The following RIC8B variants were observed in gnomAD, a reference collection of about 807,000 sequenced individuals.
The protein encoded by RIC8B is chaperone Ric-8B.
RIC8B carries 16 observed loss-of-function variants against 57.5 expected under a neutral mutation model. The ratio of observed to expected loss-of-function variants is 0.28; its 90% CI spans 0.19 to 0.42. The LOEUF is 0.42. Among genes scored for constraint, RIC8B ranks in the 10% least tolerant of loss-of-function variants. RIC8B has a pLI of 1.00. For missense variants in RIC8B, 481 were observed against 677.0 expected, an observed-to-expected ratio of 0.71 and a Z score of 3.21; for synonymous variants, 216 against 250.8, an observed-to-expected ratio of 0.86 and a Z score of 1.31.
intron 2 of RIC8B, among the ~76,000 whole-genome samples, chr12:106,807,912 C>A (rs541286740): frequency 1.7e-4 from 26 of 151,966 alleles, no homozygotes; most frequent in Non-Finnish European, 3.7e-4. Context: ...ATGGTTAAAC[C>A]CCATCTCTAC....
intron 1 of RIC8B, 128 bp from the exon 2 acceptor site, chr12:106,783,869 A>G (rs747424119): frequency 1.4e-6 from 1 of 722,476 alleles, no homozygotes; most frequent in South Asian, 1.8e-5. Context: ...CCTTACTTTA[A>G]TAAGAATATT....
At chr12:106,775,261 C>A in intron 1 of RIC8B, 1 of 447,568 alleles carries the variant, frequency 2.2e-6, no homozygotes, top group Non-Finnish European at 4.5e-6. Context: ...AGTTTCTATA[C>A]GTTTAGCACT....
chr12:106,790,104 G>A (rs554464463), intron 2 of RIC8B, among the ~76,000 whole-genome samples: 81 of 152,198 alleles, frequency 5.3e-4, no homozygotes, highest in Non-Finnish European at 1.2e-4. Context: ...TATGAATAAG[G>A]AAACTGAGGC....
chr12:106,853,451 G>GTTT (rs1949563485), intron 7 of RIC8B, among the ~76,000 whole-genome samples: 7 of 51,804 alleles, frequency 1.4e-4, no homozygotes, highest in Admixed American at 2.0e-4. Flanking sequence ...CTGCTTTATA[G>GTTT]TCTTTTTTTT....
intron 2 of RIC8B, among the ~76,000 whole-genome samples, chr12:106,790,296 A>G (rs2044213044): frequency 6.6e-6 from 1 of 152,162 alleles, no homozygotes. Context: ...GTTTTCTCTC[A>G]TTTTATACCT....
intron 2 of RIC8B, among the ~76,000 whole-genome samples, chr12:106,804,473 C>T (rs911158884): frequency 9.8e-5 from 15 of 152,292 alleles, no homozygotes; most frequent in Middle Eastern, 3.4e-3. Flanking sequence ...GCCTTGGCCT[C>T]CCAAAGTGCT....
At chr12:106,777,294 A>T (rs2043538522) in intron 1 of RIC8B, among the ~76,000 whole-genome samples, 1 of 152,246 alleles carries the variant, frequency 6.6e-6, no homozygotes, top group Non-Finnish European at 1.5e-5. Context: ...TTGAGAGCAG[A>T]TGAATAGGAA....
At chr12:106,809,088 C>CA (rs2136261936) in intron 2 of RIC8B, among the ~76,000 whole-genome samples, 1 of 152,218 alleles carries the variant, frequency 6.6e-6, no homozygotes, top group Non-Finnish European at 1.5e-5. Context: ...GTGACATGCT[C>CA]AAAATCACAA....
At chr12:106,783,880 G>A (rs565785075) in intron 1 of RIC8B, 117 bp from the exon 2 acceptor site, 16 of 788,316 alleles carry the variant, frequency 2.0e-5, no homozygotes, top group Middle Eastern at 7.3e-4. Context: ...TAAGAATATT[G>A]AGATACGGGA....
Position 106,797,952 on chromosome 12 carries a change from G to A in RIC8B, c.132+13908G>A, listed in dbSNP as rs79790701. On this transcript the variant is annotated intron_variant, in intron 2 of 9. Coordinates refer to ENST00000392837, the MANE Select transcript of RIC8B (RefSeq NM_001330145.2). ...TGACCTGTTGTGTAGTTTATGAATC[G>A]ATTCTATTTATTTCCTGATTTTAGG... 1.6e-3 allele frequency: 1,118 copies of A among 679,994 alleles called. 8 individuals are homozygous for A. The African/African-American group carries it at 0.017, about 11-fold the overall frequency. The allele number at this position is 679,994 out of a possible 1,614,324, so 42.1% of individuals were successfully genotyped here. A position where few individuals can be genotyped will look rare whatever the true frequency, so the allele number is the denominator to read the frequency against.
At chr12:106,805,509 C>CA (rs2044970409) in intron 2 of RIC8B, among the ~76,000 whole-genome samples, 1 of 151,650 alleles carries the variant, frequency 6.6e-6, no homozygotes, top group African/African-American at 2.4e-5. Flanking sequence ...ACAACAACAA[C>CA]AAAAAAAACC....
At chr12:106,776,123 A>G (rs2043467936) in intron 1 of RIC8B, among the ~76,000 whole-genome samples, 1 of 152,182 alleles carries the variant, frequency 6.6e-6, no homozygotes, top group Non-Finnish European at 1.5e-5. Context: ...CCACTGAGAG[A>G]TAGAGCTGAG....
chr12:106,845,134 G>T (rs935911176), intron 6 of RIC8B, among the ~76,000 whole-genome samples: 1 of 151,976 alleles, frequency 6.6e-6, no homozygotes, highest in African/African-American at 2.4e-5. Context: ...CACCTTGTGC[G>T]CTCCCTCAGT....
intron 2 of RIC8B, among the ~76,000 whole-genome samples, chr12:106,794,432 G>GA (rs1318494882): frequency 3.9e-5 from 6 of 152,138 alleles, no homozygotes; most frequent in Admixed American, 6.5e-5. Flanking sequence ...CAAATTTATT[G>GA]GAAACCTACA....
rs1029899257 is a variant in RIC8B, at chr12:106,887,118, G to A, written c.*1103G>A. 3 of 152,684 alleles carry A rather than the reference G, an allele frequency of 2.0e-5. No homozygotes were observed. The South Asian group carries it at 6.2e-4, about 32-fold the overall frequency. 9.5% of individuals were successfully genotyped at this position (152,684 alleles called of 1,614,324 possible). A position where few individuals can be genotyped will look rare whatever the true frequency, so the allele number is the denominator to read the frequency against. On this transcript the variant is annotated 3_prime_UTR_variant, in exon 10 of 10. Transcript: ENST00000392837. ...TAGAAAGTGAGTCATGCACTAGACA[G>A]TGGGCCTAGCTCATCAGTGGCTAAA...
At chr12:106,831,851 C>T (rs1406797977) in intron 4 of RIC8B, among the ~76,000 whole-genome samples, 3 of 152,206 alleles carry the variant, frequency 2.0e-5, no homozygotes, top group African/African-American at 7.2e-5. Context: ...GAACTCTCTG[C>T]CCCGAGAGCA....
intron 1 of RIC8B, among the ~76,000 whole-genome samples, chr12:106,777,044 G>A (rs922114948): frequency 6.6e-6 from 1 of 152,136 alleles, no homozygotes; most frequent in African/African-American, 2.4e-5. Flanking sequence ...TTCATTTTTT[G>A]TAGAGATGGG....
At chr12:106,831,127 C>T (rs528759435) in intron 4 of RIC8B, among the ~76,000 whole-genome samples, 2 of 152,194 alleles carry the variant, frequency 1.3e-5, no homozygotes, top group East Asian at 3.9e-4. Flanking sequence ...CAACCTGCTC[C>T]ACTCCATTAC....
At chr12:106,833,887 T>G (rs1279744232) in intron 4 of RIC8B, among the ~76,000 whole-genome samples, 3 of 152,130 alleles carry the variant, frequency 2.0e-5, no homozygotes, top group Non-Finnish European at 4.4e-5. Context: ...GTTCTCACTC[T>G]GTGATCACTC....
Sources: gnomAD v4.1 joint callset for allele counts (sites outside exome capture counted in the v4.1 genomes callset) on GRCh38, gnomAD v4.1.1 for gene constraint, MANE v1.5 for transcripts, NCBI Gene and HGNC (gene_info 2026-07-23, HGNC 2026-07-21) for gene names.